The following TJP1 variants were observed in gnomAD, a reference collection of about 807,000 sequenced individuals.
The protein encoded by TJP1 is tight junction protein ZO-1.
A neutral mutation model predicts 194.2 loss-of-function variants in TJP1; 43 were observed. The observed-to-expected ratio is 0.22, with a 90% CI of 0.17 to 0.29. The LOEUF is 0.29. TJP1 is among the 10% of genes least tolerant of loss of function. The pLI, the probability that TJP1 is intolerant of heterozygous loss-of-function variation, is 1.00. For missense variants in TJP1, 1,971 were observed against 2,185.7 expected (o/e 0.90, Z 1.96); for synonymous variants, 801 against 779.0 (o/e 1.03, Z -0.47).
intron 2 of TJP1, among the ~76,000 whole-genome samples, chr15:29,949,511 T>A (rs62649077): frequency 8.9e-3 from 159 of 17,960 alleles, no homozygotes; most frequent in African/African-American, 0.015. Context: ...AACCACCACC[T>A]CCACCTCCAC....
At chr15:29,959,296 T>G (rs2056070833) in intron 1 of TJP1, among the ~76,000 whole-genome samples, 1 of 151,994 alleles carries the variant, frequency 6.6e-6, no homozygotes, top group Admixed American at 6.6e-5. Flanking sequence ...GGCCTGTATC[T>G]AGTATTTTTT....
chr15:29,818,122 A>G (rs534499853), intron 1 of TJP1, among the ~76,000 whole-genome samples: 1 of 152,286 alleles, frequency 6.6e-6, no homozygotes, highest in South Asian at 2.1e-4. Context: ...TACTTACATT[A>G]TAATTTCAGA....
chr15:29,959,257 T>G (rs1232555224), intron 1 of TJP1, among the ~76,000 whole-genome samples: 1 of 151,892 alleles, frequency 6.6e-6, no homozygotes, highest in Non-Finnish European at 1.5e-5. Context: ...TCCAAAGTGC[T>G]GGGATTACAG....
At chr15:29,800,057 G>A (rs566641263) in intron 2 of TJP1, among the ~76,000 whole-genome samples, 11 of 152,258 alleles carry the variant, frequency 7.2e-5, no homozygotes, top group Admixed American at 2.6e-4. Flanking sequence ...CAAGGTTTTC[G>A]AAGGTGACTG....
chr15:29,794,166 CA>C (rs2048265120), intron 2 of TJP1, among the ~76,000 whole-genome samples: 2 of 151,358 alleles, frequency 1.3e-5, no homozygotes, highest in African/African-American at 2.4e-5. Flanking sequence ...TTTTTTAATT[CA>C]AAAAACCAAA....
chr15:29,728,775 A>T (rs893267767), intron 15 of TJP1: 1 of 152,224 alleles, frequency 6.6e-6, no homozygotes, highest in Non-Finnish European at 1.5e-5. Flanking sequence ...GACAAGTCAC[A>T]CTGAGGTTCA....
chr15:29,953,288 C>G (rs1482185844), intron 2 of TJP1, among the ~76,000 whole-genome samples: 1 of 151,852 alleles, frequency 6.6e-6, no homozygotes, highest in Non-Finnish European at 1.5e-5. Flanking sequence ...ATTACAGGCA[C>G]CTGCCACCAC....
intron 2 of TJP1, among the ~76,000 whole-genome samples, chr15:29,891,359 GTCA>G (rs2053301836): frequency 2.0e-5 from 3 of 152,116 alleles, no homozygotes; most frequent in African/African-American, 7.2e-5. Flanking sequence ...ATCCTTTTTG[GTCA>G]TCTTTTCTTT....
chr15:29,801,743 G>T (rs538578755), intron 1 of TJP1, among the ~76,000 whole-genome samples: 76 of 152,132 alleles, frequency 5.0e-4, no homozygotes, highest in African/African-American at 1.8e-3. Flanking sequence ...TTACAGGCGT[G>T]AGCCACCGCG....
chr15:29,910,657 G>A (rs2053983827), intron 2 of TJP1, among the ~76,000 whole-genome samples: 1 of 152,182 alleles, frequency 6.6e-6, no homozygotes, highest in African/African-American at 2.4e-5. Flanking sequence ...TAATACTAGT[G>A]ATAAAAATGC....
intron 1 of TJP1, among the ~76,000 whole-genome samples, chr15:29,801,672 G>A (rs913733252): frequency 1.1e-4 from 17 of 151,116 alleles, no homozygotes; most frequent in African/African-American, 4.1e-4. Context: ...CGTTTTAGCC[G>A]GGATGGTCTC....
intron 2 of TJP1, among the ~76,000 whole-genome samples, chr15:29,908,881 G>A (rs562044014): frequency 9.2e-5 from 14 of 152,064 alleles, no homozygotes; most frequent in African/African-American, 2.2e-4. Flanking sequence ...TAGGCCGGGC[G>A]CGGTGGCTCA....
intron 18 of TJP1, among the ~76,000 whole-genome samples, chr15:29,723,687 A>G (rs1212853750): frequency 6.6e-6 from 1 of 152,246 alleles, no homozygotes; most frequent in Non-Finnish European, 1.5e-5. Context: ...ATTATTTTTC[A>G]TAGAAACAGT....
intron 2 of TJP1, among the ~76,000 whole-genome samples, chr15:29,926,560 C>T (rs917319334): frequency 2.7e-4 from 40 of 149,458 alleles, no homozygotes; most frequent in African/African-American, 9.6e-4. Context: ...TGCAGTGAGC[C>T]AAGACTGCGC....
chr15:29,868,056 T>TC (rs2052369268), intron 2 of TJP1, among the ~76,000 whole-genome samples: 1 of 27,604 alleles, frequency 3.6e-5, no homozygotes, highest in African/African-American at 1.1e-4. Flanking sequence ...AGATTCTGTC[T>TC]CAAAAAAAAA....
intron 2 of TJP1, among the ~76,000 whole-genome samples, chr15:29,776,658 T>C (rs1335914612): frequency 2.0e-5 from 3 of 152,192 alleles, no homozygotes; most frequent in Non-Finnish European, 2.9e-5. Context: ...ATAATTTTAC[T>C]ATAGCATGCC....
At chr15:29,754,552 G>A (rs1362923840) in intron 8 of TJP1, among the ~76,000 whole-genome samples, 1 of 151,966 alleles carries the variant, frequency 6.6e-6, no homozygotes, top group African/African-American at 2.4e-5. Flanking sequence ...TCAGAAGATC[G>A]TTACCTCTCC....
At chr15:29,801,751 G>A (rs2048803842) in intron 1 of TJP1, among the ~76,000 whole-genome samples, 2 of 151,948 alleles carry the variant, frequency 1.3e-5, no homozygotes, top group Non-Finnish European at 1.5e-5. Flanking sequence ...GTGAGCCACC[G>A]CGCCCGGCCG....
chr15:29,894,919 A>G (rs983871160), intron 2 of TJP1, among the ~76,000 whole-genome samples: 1 of 152,228 alleles, frequency 6.6e-6, no homozygotes, highest in Non-Finnish European at 1.5e-5. Flanking sequence ...AACCTGGGGT[A>G]GCTGAGGATC....
Sources: gnomAD v4.1 joint callset for allele counts (sites outside exome capture counted in the v4.1 genomes callset) on GRCh38, gnomAD v4.1.1 for gene constraint, MANE v1.5 for transcripts, NCBI Gene and HGNC (gene_info 2026-07-23, HGNC 2026-07-21) for gene names.